SBF2: variants seen among roughly 807,000 people sequenced by gnomAD.
SBF2 encodes the protein myotubularin-related protein 13.
A neutral mutation model predicts 225.2 loss-of-function variants in SBF2; 112 were observed. That is an observed-to-expected ratio of 0.50 (90% CI 0.43 to 0.58). The LOEUF is 0.58. Ranked by LOEUF, SBF2 falls within the 20% of genes least tolerant of loss-of-function variation. SBF2 has a pLI of 0.00. For missense variants in SBF2, 1,996 were observed against 2,206.2 expected, an observed-to-expected ratio of 0.90 and a Z score of 1.91; for synonymous variants, 763 against 773.3, an observed-to-expected ratio of 0.99 and a Z score of 0.22.
intron 13 of SBF2, among the ~76,000 whole-genome samples, chr11:9,973,202 T>C (rs1337538153): frequency 6.6e-6 from 1 of 152,238 alleles, no homozygotes. Flanking sequence ...CACTGTATTC[T>C]GCATATACTT....
chr11:10,067,996 C>T (rs1950698652), intron 2 of SBF2, among the ~76,000 whole-genome samples: 1 of 152,184 alleles, frequency 6.6e-6, no homozygotes. Context: ...TTAACACTTG[C>T]TCAAGAAAAG....
chr11:9,894,672 A>G lies in SBF2; in HGVS notation c.1929+1271T>C, dbSNP rs181378757. Among the ~76,000 whole-genome samples, 3 of 151,616 alleles carry G rather than the reference A, an allele frequency of 2.0e-5. No individual in the cohort carries two copies. The East Asian group carries it at 5.9e-4, about 30-fold the overall frequency. On this transcript the variant is annotated intron_variant, in intron 17 of 39. Coordinates refer to ENST00000256190, the MANE Select transcript of SBF2 (RefSeq NM_030962.4). ...GCACTACAGCCTGGGCAACAGAGTG[A>G]AACACTGCCTCAAAAAAATAAAAAT...
chr11:9,927,079 G>C (rs912089632), intron 16 of SBF2, among the ~76,000 whole-genome samples: 1 of 152,042 alleles, frequency 6.6e-6, no homozygotes, highest in Admixed American at 6.6e-5. Context: ...AGATTCTATA[G>C]ATATTAAAAA....
At chr11:10,004,574 T>TTAA (rs1554981699) in intron 6 of SBF2, among the ~76,000 whole-genome samples, 87 of 85,536 alleles carry the variant, frequency 1.0e-3, no homozygotes, top group Non-Finnish European at 1.3e-3. Context: ...CTACAAAAAT[T>TTAA]AAAAAAAAAA....
chr11:9,980,034 G>A (rs1946876374), intron 13 of SBF2, among the ~76,000 whole-genome samples: 2 of 151,368 alleles, frequency 1.3e-5, no homozygotes, highest in Non-Finnish European at 2.9e-5. Flanking sequence ...TAGGCTGGAT[G>A]CAGTGGTGTG....
At position 10,175,576 on chromosome 11, in the gene SBF2, C is replaced by T. The variant is rs1042138987; in HGVS notation, c.141+18326G>A. On this transcript the variant is annotated intron_variant, in intron 2 of 39. Transcript: ENST00000256190. ...ACAATAATAATGGGAGACTTTAACA[C>T]CCCACTGTCAACATTAGACAGATCA... Among the ~76,000 whole-genome samples, 7 of 151,614 alleles carry T rather than the reference C, an allele frequency of 4.6e-5. No individual in the cohort carries two copies. The South Asian group carries it at 6.4e-4, about 14-fold the overall frequency.
chr11:9,801,149 T>C (rs1018111174), intron 32 of SBF2, among the ~76,000 whole-genome samples: 4 of 152,228 alleles, frequency 2.6e-5, no homozygotes, highest in Non-Finnish European at 4.4e-5. Context: ...TGGTGATGAA[T>C]AGAGTTTTAG....
chr11:9,914,839 A>T (rs1299695279), intron 16 of SBF2, among the ~76,000 whole-genome samples: 1 of 148,692 alleles, frequency 6.7e-6, no homozygotes, highest in Non-Finnish European at 1.5e-5. Flanking sequence ...ACTTTGGGTC[A>T]CAATGATGTG....
At chr11:10,144,541 T>A (rs1467741344) in intron 2 of SBF2, among the ~76,000 whole-genome samples, 1 of 152,088 alleles carries the variant, frequency 6.6e-6, no homozygotes, top group Non-Finnish European at 1.5e-5. Context: ...TTAGAAACAA[T>A]TTCATGAAGA....
At chr11:10,151,245 C>A (rs925594216) in intron 2 of SBF2, among the ~76,000 whole-genome samples, 1 of 152,152 alleles carries the variant, frequency 6.6e-6, no homozygotes, top group African/African-American at 2.4e-5. Context: ...TAATGCTAAC[C>A]AGAAAATCCC....
At chr11:10,026,886 G>T (rs1256932130) in intron 6 of SBF2, among the ~76,000 whole-genome samples, 1 of 151,974 alleles carries the variant, frequency 6.6e-6, no homozygotes, top group Non-Finnish European at 1.5e-5. Flanking sequence ...TGAAATTAAA[G>T]AAAATAGCTT....
Position 10,276,653 on chromosome 11 carries a change from A to G in SBF2, c.55+17362T>C, listed in dbSNP as rs1479363492. On this transcript the variant is annotated intron_variant, in intron 1 of 39. Coordinates refer to ENST00000256190, the MANE Select transcript of SBF2 (RefSeq NM_030962.4). ...AATTCCATTCATGATCAGTATGAAC[A>G]TGGACAAATTATTTTACCTTTATGC... Among the ~76,000 whole-genome samples, 3 of 152,230 alleles carry G rather than the reference A, an allele frequency of 2.0e-5. No homozygotes were observed. In the East Asian group the frequency reaches 5.8e-4, roughly 29 times the overall value.
At chr11:10,087,380 C>T (rs1016420202) in intron 2 of SBF2, among the ~76,000 whole-genome samples, 1 of 152,210 alleles carries the variant, frequency 6.6e-6, no homozygotes, top group Non-Finnish European at 1.5e-5. Flanking sequence ...ACAGCTTAAA[C>T]AGATAACCAT....
intron 2 of SBF2, among the ~76,000 whole-genome samples, chr11:10,191,050 C>A (rs1018264634): frequency 2.6e-5 from 4 of 152,130 alleles, no homozygotes; most frequent in African/African-American, 4.8e-5. Flanking sequence ...TATACTACCA[C>A]CATTATGTAC....
intron 16 of SBF2, among the ~76,000 whole-genome samples, chr11:9,921,147 TGCAACTTCCACCTCTCGGGTTCAA>T (rs1354215604): frequency 1.4e-5 from 2 of 146,512 alleles, no homozygotes; most frequent in African/African-American, 2.5e-5. Context: ...CTCAGCTCAC[TGCAACTTCCACCTCTCGGGTTCAA>T]GCGATTCTCC....
At chr11:9,885,992 C>T (rs1860265623) in intron 17 of SBF2, among the ~76,000 whole-genome samples, 1 of 152,148 alleles carries the variant, frequency 6.6e-6, no homozygotes, top group Non-Finnish European at 1.5e-5. Context: ...GAAGAGAGGG[C>T]ATTGTTCCTT....
rs146987383 is a variant in SBF2, at chr11:9,858,276, G to C, written c.2050C>G (p.Leu684Val). 3.2e-5 allele frequency: 51 copies of C among 1,614,178 alleles called. No individual in the cohort carries two copies. The African/African-American group carries it at 4.3e-4, about 13-fold the overall frequency. The change falls in exon 18 of 40, where the codon CTT becomes GTT. Residue 684 changes from leucine (L) to valine (V), a missense_variant. Physicochemically the swap from Leu to Val is conservative, Grantham distance 32 (BLOSUM62 1). Transcript: ENST00000256190. Reference protein sequence around the residue: ...YNAVQEQVRSLYLSAKEDNHA... With the variant: ...YNAVQEQVRSVYLSAKEDNHA... ...TTGTCTTCCTTGGCTGAGAGATAAA[G>C]GGAGCGAACCTGTTCCTGCACTGCA...
intron 2 of SBF2, among the ~76,000 whole-genome samples, chr11:10,169,817 T>C (rs577532756): frequency 6.6e-5 from 10 of 152,198 alleles, no homozygotes; most frequent in Admixed American, 3.9e-4. Flanking sequence ...AGGGTTCTCT[T>C]TTCTCCACAT....
chr11:10,101,433 A>G (rs1952296538), intron 2 of SBF2, among the ~76,000 whole-genome samples: 1 of 152,166 alleles, frequency 6.6e-6, no homozygotes, highest in South Asian at 2.1e-4. Flanking sequence ...AGCATCTTGC[A>G]AAATTGAGAA....
Sources: gnomAD v4.1 joint callset for allele counts (sites outside exome capture counted in the v4.1 genomes callset) on GRCh38, gnomAD v4.1.1 for gene constraint, MANE v1.5 for transcripts, NCBI Gene and HGNC (gene_info 2026-07-23, HGNC 2026-07-21) for gene names.